Variants in DAB1 observed in about 807,000 individuals in gnomAD.
The protein encoded by DAB1 is DAB adaptor protein 1, also known as disabled homolog 1.
In DAB1, 15 loss-of-function variants were observed where a neutral mutation model predicts 64.6. The ratio of observed to expected loss-of-function variants is 0.23; its 90% CI spans 0.16 to 0.36. The LOEUF is 0.36. DAB1 is among the 10% of genes least tolerant of loss of function. The pLI is 1.00. For synonymous variants in DAB1, 235 were observed against 251.9 expected (o/e 0.93, Z 0.64); for missense variants, 596 against 706.7 (o/e 0.84, Z 1.78).
chr1:57,789,958 A>C (rs1368015275), intron 6 of DAB1, among the ~76,000 whole-genome samples: 3 of 152,176 alleles, frequency 2.0e-5, no homozygotes, highest in African/African-American at 7.2e-5. Context: ...GAGCCCTGTC[A>C]AGAACCTCAC....
intron 5 of DAB1, among the ~76,000 whole-genome samples, chr1:57,948,090 C>T (rs187070282): frequency 6.6e-6 from 1 of 152,324 alleles, no homozygotes; most frequent in Admixed American, 6.5e-5. Context: ...ACCTGCTTCA[C>T]TAACCTTCCT....
In DAB1 at chr1:58,480,939, A is replaced by G. The variant is rs764162272; in HGVS notation, n.257+25121T>C. On this transcript the variant is annotated intron_variant and non_coding_transcript_variant, in intron 3 of 20. Transcript: ENST00000485760. ...TGATAAGGACTGCAACATTCTTCAT[A>G]TATCTTGTGTCTCATAAATTTTAAT... is the stretch of plus-strand genomic sequence containing the variant. 1.5e-5 allele frequency: 13 copies of G among 842,120 alleles called. No homozygotes were observed. The Admixed American group carries it at 2.0e-4, about 13-fold the overall frequency. 52.2% of individuals were successfully genotyped at this position (842,120 alleles called of 1,614,324 possible).
At chr1:57,278,687 G>A (rs1417114920) in intron 2 of DAB1, among the ~76,000 whole-genome samples, 4 of 152,138 alleles carry the variant, frequency 2.6e-5, no homozygotes, top group Non-Finnish European at 5.9e-5. Context: ...CTTCCAGGCT[G>A]AGAGGAGAGC....
chr1:57,604,774 TC>T (rs1178435339), intron 7 of DAB1, among the ~76,000 whole-genome samples: 1 of 152,148 alleles, frequency 6.6e-6, no homozygotes, highest in Admixed American at 6.5e-5. Flanking sequence ...AGCAAAGAAG[TC>T]CCTCTTCAAA....
In DAB1 at chr1:58,225,156, T is replaced by C. The variant is rs895322527; in HGVS notation, n.310-74568A>G. Among the ~76,000 whole-genome samples the C allele has an allele frequency of 1.4e-3, 218 of 152,052 alleles. 5 individuals are homozygous for C. In the East Asian group the frequency reaches 0.041, roughly 28 times the overall value. ...CCCATCAAAAAGTGGGCGAAGGATA[T>C]GAACAGACACTTCGCAAAAGAAGAC... On this transcript the variant is annotated intron_variant and non_coding_transcript_variant, in intron 4 of 20. Transcript: ENST00000485760.
intron 7 of DAB1, among the ~76,000 whole-genome samples, chr1:57,539,015 T>C (rs1166514277): frequency 6.6e-6 from 1 of 152,224 alleles, no homozygotes; most frequent in African/African-American, 2.4e-5. Flanking sequence ...GATGCCTTCC[T>C]TCCTTTGAGA....
At chr1:57,373,764 G>C (rs1351354469) in intron 1 of DAB1, among the ~76,000 whole-genome samples, 1 of 152,124 alleles carries the variant, frequency 6.6e-6, no homozygotes, top group African/African-American at 2.4e-5. Flanking sequence ...CTCGCGCCAC[G>C]GGTATAGGCA....
chr1:58,340,355 C>T (rs1643913199), intron 4 of DAB1, among the ~76,000 whole-genome samples: 1 of 152,170 alleles, frequency 6.6e-6, no homozygotes, highest in African/African-American at 2.4e-5. Flanking sequence ...TCTTGTCACC[C>T]TCATGAGCCG....
intron 3 of DAB1, among the ~76,000 whole-genome samples, chr1:58,470,163 TTTTTAA>T (rs1645341731): frequency 3.8e-5 from 5 of 132,926 alleles, no homozygotes; most frequent in Admixed American, 7.7e-5. Context: ...TTTATTTTTA[TTTTTAA>T]TTTTATTTAT....
chr1:58,010,072 TGTAG>T (rs1177464553), intron 5 of DAB1, among the ~76,000 whole-genome samples: 1 of 152,176 alleles, frequency 6.6e-6, no homozygotes, highest in African/African-American at 2.4e-5. Context: ...AGGAGTCAAG[TGTAG>T]ACAGTCTGGC....
chr1:57,604,094 G>A (rs1320262327), intron 7 of DAB1, among the ~76,000 whole-genome samples: 2 of 152,196 alleles, frequency 1.3e-5, no homozygotes, highest in Non-Finnish European at 2.9e-5. Context: ...CACCTCAATG[G>A]GTATGACTCC....
intron 2 of DAB1, among the ~76,000 whole-genome samples, chr1:57,165,522 C>T (rs1661144007): frequency 6.6e-6 from 1 of 152,152 alleles, no homozygotes; most frequent in South Asian, 2.1e-4. Flanking sequence ...TATGTGACTG[C>T]CATTGTGCAA....
chr1:58,326,693 G>A (rs1662832358), intron 4 of DAB1, among the ~76,000 whole-genome samples: 3 of 152,188 alleles, frequency 2.0e-5, no homozygotes, highest in African/African-American at 7.2e-5. Flanking sequence ...TAATGTCACT[G>A]TTCACAGCAG....
intron 3 of DAB1, among the ~76,000 whole-genome samples, chr1:58,414,902 A>C (rs1243985398): frequency 1.3e-5 from 2 of 152,230 alleles, no homozygotes; most frequent in Non-Finnish European, 2.9e-5. Context: ...TGTCTGAAAA[A>C]ATAAAAATTT....
chr1:58,297,720 GTTAGA>G (rs1219678840), intron 4 of DAB1, among the ~76,000 whole-genome samples: 6 of 152,172 alleles, frequency 3.9e-5, no homozygotes, highest in Admixed American at 2.0e-4. Flanking sequence ...AATCTAATTG[GTTAGA>G]TTAGAGAAGG....
chr1:58,542,973 C>T (rs1646644400), intron 1 of DAB1, among the ~76,000 whole-genome samples: 1 of 114,382 alleles, frequency 8.7e-6, no homozygotes, highest in Non-Finnish European at 1.9e-5. Flanking sequence ...GCAAGAACTA[C>T]AAACAAAAAG....
chr1:58,271,810 G>A (rs1352678197), intron 4 of DAB1, among the ~76,000 whole-genome samples: 634 of 35,648 alleles, frequency 0.018, no homozygotes, highest in Non-Finnish European at 0.022. Context: ...GTTTATTTGC[G>A]TAGAGGTGTT....
chr1:58,004,135 C>A (rs1401009633), intron 5 of DAB1, among the ~76,000 whole-genome samples: 1 of 152,194 alleles, frequency 6.6e-6, no homozygotes, highest in Non-Finnish European at 1.5e-5. Flanking sequence ...ACACCTCACA[C>A]TGCAGAGTGA....
chr1:57,760,205 C>T (rs538973245), intron 6 of DAB1, among the ~76,000 whole-genome samples: 18 of 152,184 alleles, frequency 1.2e-4, no homozygotes, highest in African/African-American at 4.3e-4. Flanking sequence ...AACAACATGG[C>T]TTTGAATTGC....
Sources: allele counts gnomAD v4.1 joint callset (sites outside exome capture counted in the v4.1 genomes callset), GRCh38; gene constraint gnomAD v4.1.1; transcripts MANE v1.5; gene names NCBI Gene and HGNC (gene_info 2026-07-23, HGNC 2026-07-21).